MMP3: variants seen among roughly 807,000 people sequenced by gnomAD.
MMP3 encodes stromelysin-1.
Under a neutral mutation model 47.3 loss-of-function variants are expected in MMP3, and 46 were observed. That is an observed-to-expected ratio of 0.97 (90% confidence interval 0.77 to 1.24). The LOEUF is 1.24. Among genes scored for constraint, MMP3 ranks in the 50% most tolerant of loss-of-function variants. The probability of loss-of-function intolerance (pLI) is 0.00; values close to 1 mark genes in which losing one functional copy is unlikely to be tolerated. For synonymous variants in MMP3, 216 were observed against 206.5 expected (o/e 1.05, Z -0.39); for missense variants, 558 against 565.5 (o/e 0.99, Z 0.13).
chr11:102,836,425 AC>A lies in MMP3; in HGVS notation c.1334-200del, dbSNP rs1555004561. On this transcript the variant is annotated intron_variant, in intron 9 of 9. Transcript: ENST00000299855. This position sits in a 1 kb window ranked among gnomAD's most constrained non-coding sequence, Gnocchi z 4.6. ...ACAACCCTATGAGGTTGTATGTCTA[AC>A]TCCATTTACAGATTGAGCAAGTTGA... 3.1e-6 allele frequency: 2 copies of A among 644,788 alleles called. No homozygotes were observed. Among genetic ancestry groups the A allele is most frequent in the African/African-American group, 1.8e-5 (1 of 55,552 alleles). The allele number at this position is 644,788 out of a possible 1,614,324, so 39.9% of individuals were successfully genotyped here.
chr11:102,838,125 A>G (rs1196537228), intron 8 of MMP3, among the ~76,000 whole-genome samples: 1 of 152,172 alleles, frequency 6.6e-6, no homozygotes, highest in African/African-American at 2.4e-5. Flanking sequence ...AGTGACAAAC[A>G]CACAGTGAGA....
Position 102,842,927 on chromosome 11 carries a change from A to C in MMP3, c.106-11T>G. 2.5e-6 allele frequency: 4 copies of C among 1,584,864 alleles called. No individual in the cohort carries two copies. The highest frequency in any genetic ancestry group is 3.4e-6 in the Non-Finnish European group (4 of 1,163,512). Reference sequence around the variant, plus strand: ...GTTTTCTAGATATTTCTAACAGAATAAGTATAGTTTTTAGGTCACTCTTAC... The same window carrying C: ...GTTTTCTAGATATTTCTAACAGAATCAGTATAGTTTTTAGGTCACTCTTAC... On this transcript the variant is annotated splice_polypyrimidine_tract_variant and intron_variant, in intron 1 of 9. Transcript: ENST00000299855.
chr11:102,839,022 C>A, intron 7 of MMP3, 88 bp downstream of exon 7: 2 of 1,436,478 alleles, frequency 1.4e-6, no homozygotes, highest in Non-Finnish European at 1.9e-6. Context: ...TTAGCCAGAA[C>A]TTGTAGTAGG....
Position 102,842,522 on chromosome 11 carries a change from T to A in MMP3, c.408A>T (p.Lys136Asn). Reference protein sequence around the residue: ...PKDAVDSAVEKALKVWEEVTP... With the variant: ...PKDAVDSAVENALKVWEEVTP... Reference sequence around the variant, plus strand: ...TCACCTCTTCCCAGACTTTCAGAGCTTTCTCAACAGCAGAATCAACAGCAT... The same window carrying A: ...TCACCTCTTCCCAGACTTTCAGAGCATTCTCAACAGCAGAATCAACAGCAT... Residue 136 changes from lysine (K) to asparagine (N), a missense_variant, in exon 3 of 10, where the codon AAA becomes AAT. By Grantham distance (94) the Lys-to-Asn change is moderately conservative. Coordinates refer to ENST00000299855, the MANE Select transcript of MMP3 (RefSeq NM_002422.5). 1 of 1,609,120 alleles carries A rather than the reference T, an allele frequency of 6.2e-7. No homozygotes were observed. The highest frequency in any genetic ancestry group is 1.1e-5 in the South Asian group (1 of 90,878).
rs1309603660 is a variant in MMP3, at chr11:102,840,593, C to G, written c.626G>C (p.Gly209Ala). 18 of 1,613,166 alleles carry G rather than the reference C, an allele frequency of 1.1e-5. No individual in the cohort carries two copies. The highest frequency in any genetic ancestry group is 1.5e-5 in the Non-Finnish European group (18 of 1,179,736). Residue 209 changes from glycine (G) to alanine (A), a missense_variant and splice_region_variant, in exon 5 of 10, where the codon GGG (glycine) becomes GCG (alanine). Physicochemically the swap from Gly to Ala is moderately conservative, Grantham distance 60. Coordinates refer to ENST00000299855, the MANE Select transcript of MMP3 (RefSeq NM_002422.5). ...AGCAGCAACGAGAAATAAATTGGTC[C>G]CTATTTAAGAAATTGAGAACAATAG... is the stretch of plus-strand genomic sequence containing the variant. ...DDEQWTKDTT[G>A]TNLFLVAAHE...
Position 102,835,896 on chromosome 11 carries a change from G to A in MMP3, c.*230C>T. 2 of 458,724 alleles carry A rather than the reference G, an allele frequency of 4.4e-6. No homozygotes were observed. Among genetic ancestry groups the A allele is most frequent in the Non-Finnish European group, 7.8e-6 (2 of 256,546 alleles). 28.4% of individuals were successfully genotyped at this position (458,724 alleles called of 1,614,324 possible). On this transcript the variant is annotated 3_prime_UTR_variant, in exon 10 of 10. Coordinates refer to ENST00000299855, the MANE Select transcript of MMP3 (RefSeq NM_002422.5). ...CACACGAGTGCTTCCCCTTCTCTTG[G>A]GAAAGATCACTCTATGTGACAAGGT... is the stretch of plus-strand genomic sequence containing the variant.
At position 102,836,530 on chromosome 11, in the gene MMP3, T is replaced by C. The variant is rs1212341535; in HGVS notation, c.1334-304A>G. 3 of 513,528 alleles carry C rather than the reference T, an allele frequency of 5.8e-6. No homozygotes were observed. The highest frequency in any genetic ancestry group is 1.2e-5 in the Non-Finnish European group (3 of 255,292). The allele number at this position is 513,528 out of a possible 1,614,324, so 31.8% of individuals were successfully genotyped here. A position where few individuals can be genotyped will look rare whatever the true frequency, so the allele number is the denominator to read the frequency against. Reference sequence around the variant, plus strand: ...GACAGCACTCGGTGCCAGCTCTGTCTGAAAACACAGCCAGATTCCAGGTTA... The same window carrying C: ...GACAGCACTCGGTGCCAGCTCTGTCCGAAAACACAGCCAGATTCCAGGTTA... On this transcript the variant is annotated intron_variant, in intron 9 of 9. Coordinates refer to ENST00000299855, the MANE Select transcript of MMP3 (RefSeq NM_002422.5). This position sits in a 1 kb window ranked among gnomAD's most constrained non-coding sequence, Gnocchi z 4.6.
In MMP3 at chr11:102,842,681, A is replaced by G. The variant is rs561892904; in HGVS notation, c.341T>C (p.Leu114Pro). 2 of 1,613,970 alleles carry G rather than the reference A, an allele frequency of 1.2e-6. No individual in the cohort carries two copies. The highest frequency in any genetic ancestry group is 4.5e-5 in the East Asian group (2 of 44,876). Reference sequence around the variant, plus strand: ...CCCTCTGAACCATTACCTGTATGTAAGGTGGGTTTTCCTCCACTTCGGGAT... The same window carrying G: ...CCCTCTGAACCATTACCTGTATGTAGGGTGGGTTTTCCTCCACTTCGGGAT... ...PGIPKWRKTH[L>P]TYRIVNYTPD... Residue 114 changes from leucine to proline, a missense_variant, in exon 2 of 10, where the codon CTT (leucine) becomes CCT (proline). Leu to Pro is a moderately conservative substitution (Grantham distance 98). Coordinates refer to ENST00000299855, the MANE Select transcript of MMP3 (RefSeq NM_002422.5).
chr11:102,841,025 A>G (rs1241159881), intron 4 of MMP3, among the ~76,000 whole-genome samples: 1 of 152,190 alleles, frequency 6.6e-6, no homozygotes, highest in African/African-American at 2.4e-5. Flanking sequence ...GTTAAAGGAA[A>G]CTATATTCAT....
rs1442249197 is a variant in MMP3 at position 102,838,417 on chromosome 11, CCA to C, written c.1229+132_1229+133del. The C allele has an allele frequency of 6.2e-6, 6 of 970,224 alleles. No homozygotes were observed. The African/African-American group carries it at 9.9e-5, about 16-fold the overall frequency. The allele number at this position is 970,224 out of a possible 1,614,324, so 60.1% of individuals were successfully genotyped here. A position where few individuals can be genotyped will look rare whatever the true frequency, so the allele number is the denominator to read the frequency against. The stretch of plus-strand genomic sequence containing the variant: ...CTGCTGTTTTAAAGTAAGAACTTTC[CCA>C]CAGTTGTCTGAAGTCCCATCCTTCC... On this transcript the variant is annotated intron_variant, in intron 8 of 9. Coordinates refer to ENST00000299855, the MANE Select transcript of MMP3 (RefSeq NM_002422.5).
In MMP3 at chr11:102,838,608, G is replaced by A. The variant is rs185081958; in HGVS notation, c.1172C>T (p.Ala391Val). The A allele has an allele frequency of 1.2e-5, 19 of 1,613,600 alleles. No homozygotes were observed. The Admixed American group carries it at 1.5e-4, about 13-fold the overall frequency. ...TTTGTTCTTTTCCTTATCAGAAATG[G>A]CTGCATCGATTTTCCTCACGGTTGG... ...FPPTVRKIDA[A>V]ISDKEKNKTY... The change falls in exon 8 of 10, where the codon GCC (alanine) becomes GTC (valine). Residue 391 changes from alanine (A) to valine (V), a missense_variant. Coordinates refer to ENST00000299855, the MANE Select transcript of MMP3 (RefSeq NM_002422.5).
In MMP3 at chr11:102,837,089, C is replaced by T. The variant is rs1237642319; in HGVS notation, c.1333+209G>A. Among the ~76,000 whole-genome samples the T allele has an allele frequency of 1.3e-5, 2 of 152,066 alleles. No individual in the cohort carries two copies. The highest frequency in any genetic ancestry group is 1.9e-4 in the East Asian group (1 of 5,194). On this transcript the variant is annotated intron_variant, in intron 9 of 9. Transcript: ENST00000299855. The surrounding 1 kb of genome is among the most constrained non-coding windows in gnomAD (Gnocchi z 4.4). The stretch of plus-strand genomic sequence containing the variant: ...TATATGCATGTATAAGATAAAGTAG[C>T]GAGATTTGTGTAATTATCTTTATGG...
Position 102,836,193 on chromosome 11 carries a change from A to C in MMP3, c.1367T>G (p.Leu456Trp), listed in dbSNP as rs1415691035. 1 of 1,613,982 alleles carries C rather than the reference A, an allele frequency of 6.2e-7. No homozygotes were observed. Among genetic ancestry groups the C allele is most frequent in the Non-Finnish European group, 8.5e-7 (1 of 1,179,856 alleles). ...TTTCTTTGCATTTGGGTCAAACTCCAACTGTGAAGATCCAGTAAAGAAATA... is the reference window on the plus strand; with the variant it reads ...TTTCTTTGCATTTGGGTCAAACTCCCACTGTGAAGATCCAGTAAAGAAATA... Reference protein sequence around the residue: ...FFYFFTGSSQLEFDPNAKKVT... With the variant: ...FFYFFTGSSQWEFDPNAKKVT... The change falls in exon 10 of 10, where the codon TTG (leucine) becomes TGG (tryptophan). Residue 456 changes from leucine to tryptophan, a missense_variant. Coordinates refer to ENST00000299855, the MANE Select transcript of MMP3 (RefSeq NM_002422.5). This position sits in a 1 kb window ranked among gnomAD's most constrained non-coding sequence, Gnocchi z 4.6.
chr11:102,840,134 C>G lies in MMP3; in HGVS notation c.909G>C (p.Arg303Ser). 6.2e-7 allele frequency: 1 copy of G among 1,613,844 alleles called. No individual in the cohort carries two copies. Among genetic ancestry groups the G allele is most frequent in the Non-Finnish European group, 8.5e-7 (1 of 1,179,920 alleles). The change falls in exon 6 of 10, where the codon AGG becomes AGC. Residue 303 changes from arginine to serine, a missense_variant. Physicochemically the swap from Arg to Ser is moderately radical, Grantham distance 110 (BLOSUM62 -1). Transcript: ENST00000299855. ...TGTCTTTAAAGATCAGGATTTCTCC[C>G]CTCAGAGTGCTGACAGCATCAAAGG... Reference protein sequence around the residue: ...ALSFDAVSTLRGEILIFKDRH... With the variant: ...ALSFDAVSTLSGEILIFKDRH...
rs377725611 is a variant in MMP3 at position 102,840,466 on chromosome 11, C to A, written c.753G>T (p.Leu251=). 6.2e-7 allele frequency: 1 copy of A among 1,614,074 alleles called. No homozygotes were observed. Among genetic ancestry groups the A allele is most frequent in the South Asian group, 1.1e-5 (1 of 91,076 alleles). Residue 251 remains leucine (L), a synonymous_variant, in exon 5 of 10, where the codon CTG becomes CTT. Coordinates refer to ENST00000299855, the MANE Select transcript of MMP3 (RefSeq NM_002422.5). ...HSLTDLTRFR[L]SQDDINGIQS... ...GAATGCCATTTATATCATCTTGAGA[C>A]AGGCGGAACCGAGTCAGGTCTGTGA...
chr11:102,839,309 A>C (rs1476853454), intron 6 of MMP3, 66 bp from the exon 7 acceptor site: 5 of 1,590,334 alleles, frequency 3.1e-6, no homozygotes, highest in Admixed American at 1.7e-5. Context: ...TATTTTCCTC[A>C]CCGTCTTGCC....
chr11:102,838,752 A>T (rs1265606018), intron 7 of MMP3, 42 bp from the exon 8 acceptor site: 3 of 1,569,634 alleles, frequency 1.9e-6, no homozygotes, highest in Admixed American at 1.9e-5. Flanking sequence ...GAATTATAAC[A>T]GTTAAGCCCT....
Position 102,842,656 on chromosome 11 carries a change from C to T in MMP3, c.350+16G>A, listed in dbSNP as rs182816013. On this transcript the variant is annotated intron_variant, in intron 2 of 9. Coordinates refer to ENST00000299855, the MANE Select transcript of MMP3 (RefSeq NM_002422.5). ...TAAAATTCCAATCTTATGTGAAAACCCCTCTGAACCATTACCTGTATGTAA... is the reference window on the plus strand; with the variant it reads ...TAAAATTCCAATCTTATGTGAAAACTCCTCTGAACCATTACCTGTATGTAA... 1 of 1,612,870 alleles carries T rather than the reference C, an allele frequency of 6.2e-7. No homozygotes were observed. Among genetic ancestry groups the T allele is most frequent in the Admixed American group, 1.7e-5 (1 of 59,846 alleles).
In MMP3 at chr11:102,842,380, T is replaced by G. The variant is rs782749937; in HGVS notation, c.499+51A>C. 108 of 1,530,402 alleles carry G rather than the reference T, an allele frequency of 7.1e-5. 1 individual carries two copies. The Middle Eastern group carries it at 1.4e-3, about 19-fold the overall frequency. The allele number at this position is 1,530,402 out of a possible 1,614,324, so 94.8% of individuals were successfully genotyped here. The stretch of plus-strand genomic sequence containing the variant: ...GATAGATGAATGGATACATTTCATG[T>G]GTTTTTTGTTTTGTTTTGTTTTGCT... On this transcript the variant is annotated intron_variant, in intron 3 of 9. Transcript: ENST00000299855.
Sources: allele counts gnomAD v4.1 joint callset (sites outside exome capture counted in the v4.1 genomes callset), GRCh38; gene constraint gnomAD v4.1.1; non-coding constraint Gnocchi (gnomAD v3.1); transcripts MANE v1.5; gene names NCBI Gene and HGNC (gene_info 2026-07-23, HGNC 2026-07-21).